GLI2: variants seen among roughly 807,000 people sequenced by gnomAD.
GLI2 encodes the protein transcription activator GLI2.
In GLI2, 22 loss-of-function variants were observed where a neutral mutation model predicts 78.9. The observed-to-expected ratio is 0.28, with a 90% CI of 0.20 to 0.40. The LOEUF is 0.40. Among genes scored for constraint, GLI2 ranks in the 10% least tolerant of loss-of-function variants. The pLI, the probability that GLI2 is intolerant of heterozygous loss-of-function variation, is 1.00. For synonymous variants in GLI2, 974 were observed against 963.7 expected (o/e 1.01, Z -0.20); for missense variants, 2,097 against 2,213.2 (o/e 0.95, Z 1.05).
rs746305375 is a variant in GLI2, at chr2:120,990,342, A to C, written c.4377A>C (p.Pro1459=). The part of the protein sequence containing the change: ...CQVMRSQPPQ[P]QACQDSIQPQ... ...TCATGCGGTCCCAGCCACCACAGCC[A>C]CAGGCCTGTCAGGACAGCATCCAGC... is the stretch of plus-strand genomic sequence containing the variant. The change falls in exon 14 of 14, where the codon CCA becomes CCC. Residue 1459 remains proline, a synonymous_variant. Transcript: ENST00000361492. The C allele has an allele frequency of 6.2e-7, 1 of 1,613,884 alleles. No individual in the cohort carries two copies.
At chr2:120,854,800 A>T (rs1687567864) in intron 2 of GLI2, among the ~76,000 whole-genome samples, 1 of 152,262 alleles carries the variant, frequency 6.6e-6, no homozygotes, top group Non-Finnish European at 1.5e-5. Context: ...TCTGGGCTCC[A>T]TCCTGAGTTT....
chr2:120,776,227 T>G (rs543377064), intron 1 of GLI2, among the ~76,000 whole-genome samples: 3 of 152,324 alleles, frequency 2.0e-5, no homozygotes, highest in Admixed American at 2.0e-4. Context: ...GCACCGGACA[T>G]GTTGTTCCCG....
chr2:120,921,752 C>T (rs934502129), intron 2 of GLI2, among the ~76,000 whole-genome samples: 1 of 152,184 alleles, frequency 6.6e-6, no homozygotes, highest in African/African-American at 2.4e-5. Flanking sequence ...CTCAGGACTT[C>T]CCAGGGGCTT....
At chr2:120,926,604 C>T (rs1287202940) in intron 2 of GLI2, among the ~76,000 whole-genome samples, 1 of 152,148 alleles carries the variant, frequency 6.6e-6, no homozygotes, top group Admixed American at 6.5e-5. Flanking sequence ...ATGTTTGCCT[C>T]CAGGGTACCC....
chr2:120,852,320 C>T (rs937973216), intron 2 of GLI2, among the ~76,000 whole-genome samples: 9 of 152,190 alleles, frequency 5.9e-5, no homozygotes, highest in African/African-American at 2.2e-4. Flanking sequence ...CAGCGGGGCT[C>T]CTCCTGAGCT....
At chr2:120,782,019 A>C (rs1352568236) in intron 1 of GLI2, among the ~76,000 whole-genome samples, 1 of 152,152 alleles carries the variant, frequency 6.6e-6, no homozygotes, top group Non-Finnish European at 1.5e-5. Context: ...TGTGTATGCA[A>C]TTTTGTTTTA....
At position 120,968,710 on chromosome 2, in the gene GLI2, A is replaced by G. The variant is rs553802867; in HGVS notation, c.644-4A>G. ...TGACCTGTCTTGTGTTGACTATCCC[A>G]CAGTGTCCCGTTTCTCCAGCCCGCG... On this transcript the variant is annotated splice_polypyrimidine_tract_variant and splice_region_variant and intron_variant, in intron 5 of 13. Coordinates refer to ENST00000361492, the MANE Select transcript of GLI2 (RefSeq NM_001374353.1). The G allele has an allele frequency of 6.2e-7, 1 of 1,602,324 alleles. No homozygotes were observed. Among genetic ancestry groups the G allele is most frequent in the East Asian group, 2.2e-5 (1 of 44,596 alleles).
intron 1 of GLI2, among the ~76,000 whole-genome samples, chr2:120,791,660 A>C (rs537465080): frequency 2.0e-5 from 3 of 152,304 alleles, no homozygotes; most frequent in South Asian, 2.1e-4. Context: ...TAATATATAC[A>C]TGTGCATGTG....
intron 1 of GLI2, among the ~76,000 whole-genome samples, chr2:120,781,405 A>T (rs376147019): frequency 6.6e-6 from 1 of 152,110 alleles, no homozygotes; most frequent in African/African-American, 2.4e-5. Flanking sequence ...CCCTCTTCCC[A>T]TTCTGAGGCC....
At chr2:120,942,694 G>A (rs1025420172) in intron 3 of GLI2, among the ~76,000 whole-genome samples, 2 of 152,202 alleles carry the variant, frequency 1.3e-5, no homozygotes. Context: ...GTTCAGAGAC[G>A]GCACATACGT....
At position 120,953,805 on chromosome 2, in the gene GLI2, C is replaced by T. The variant is rs1005743307; in HGVS notation, c.458-1440C>T. On this transcript the variant is annotated intron_variant, in intron 4 of 13. Coordinates refer to ENST00000361492, the MANE Select transcript of GLI2 (RefSeq NM_001374353.1). ...CTTCAAGCCTGCAGTGAGCTAGGATCGCACCACTGCACTTCAGCCTGGGCA... is the reference window on the plus strand; with the variant it reads ...CTTCAAGCCTGCAGTGAGCTAGGATTGCACCACTGCACTTCAGCCTGGGCA... 2.0e-3 allele frequency among the ~76,000 whole-genome samples: 299 copies of T among 152,140 alleles called. 7 individuals carry two copies. Among genetic ancestry groups the T allele is most frequent in the East Asian group, 5.8e-4 (3 of 5,172 alleles).
chr2:120,916,711 T>C (rs1679116987), intron 2 of GLI2, among the ~76,000 whole-genome samples: 1 of 152,204 alleles, frequency 6.6e-6, no homozygotes, highest in Admixed American at 6.5e-5. Flanking sequence ...CAGCAGGGTG[T>C]GTGGTTGTGA....
At chr2:120,970,359 C>G in intron 6 of GLI2, 34 bp from the exon 7 acceptor site, 1 of 1,157,102 alleles carries the variant, frequency 8.6e-7, no homozygotes, top group Non-Finnish European at 1.3e-6. Flanking sequence ...TCCCGATCCC[C>G]CACCCCCACT....
intron 2 of GLI2, among the ~76,000 whole-genome samples, chr2:120,868,788 A>G (rs1386562646): frequency 6.6e-6 from 1 of 152,208 alleles, no homozygotes; most frequent in Non-Finnish European, 1.5e-5. Context: ...AGTGTCCTGG[A>G]AAGACCCTTC....
At chr2:120,766,047 GC>G (rs1178291385) in intron 1 of GLI2, among the ~76,000 whole-genome samples, 6 of 152,196 alleles carry the variant, frequency 3.9e-5, no homozygotes, top group African/African-American at 7.2e-5. Flanking sequence ...TGGAGCTCTT[GC>G]CCAGCTCCCC....
intron 3 of GLI2, among the ~76,000 whole-genome samples, chr2:120,949,646 T>C (rs913797196): frequency 3.3e-5 from 5 of 152,144 alleles, no homozygotes; most frequent in African/African-American, 1.2e-4. Context: ...AGGAAGGCAT[T>C]GGAGGCCAAG....
intron 2 of GLI2, among the ~76,000 whole-genome samples, chr2:120,817,877 AC>A (rs1164802060): frequency 2.0e-5 from 3 of 152,126 alleles, no homozygotes; most frequent in Non-Finnish European, 4.4e-5. Flanking sequence ...CGGCCTGAGA[AC>A]CATGTGGCAG....
At chr2:120,923,785 C>T (rs1679524744) in intron 2 of GLI2, among the ~76,000 whole-genome samples, 1 of 152,104 alleles carries the variant, frequency 6.6e-6, no homozygotes, top group African/African-American at 2.4e-5. Flanking sequence ...GCAGCACACA[C>T]ATATACATAC....
chr2:120,799,838 G>T (rs968496985), intron 2 of GLI2, among the ~76,000 whole-genome samples: 2 of 152,192 alleles, frequency 1.3e-5, no homozygotes, highest in South Asian at 4.1e-4. Context: ...CACTGCCTGC[G>T]GGAGTACAGA....
Sources: allele counts gnomAD v4.1 joint callset (sites outside exome capture counted in the v4.1 genomes callset), GRCh38; gene constraint gnomAD v4.1.1; transcripts MANE v1.5; gene names NCBI Gene and HGNC (gene_info 2026-07-23, HGNC 2026-07-21).